TMEM132B: variants seen among roughly 807,000 people sequenced by gnomAD.
The protein encoded by TMEM132B is transmembrane protein 132B.
TMEM132B carries 18 observed loss-of-function variants against 90.8 expected under a neutral mutation model. That is an observed-to-expected ratio of 0.20 (90% CI 0.14 to 0.29). TMEM132B has a LOEUF of 0.29. Among genes scored for constraint, TMEM132B ranks in the 10% least tolerant of loss-of-function variants. The pLI is 1.00. For synonymous variants in TMEM132B, 504 were observed against 523.3 expected, an observed-to-expected ratio of 0.96 and a Z score of 0.50; for missense variants, 1,096 against 1,326.8, an observed-to-expected ratio of 0.83 and a Z score of 2.70.
At chr12:125,318,428 G>A (rs1419130518) in intron 1 of TMEM132B, among the ~76,000 whole-genome samples, 1 of 151,964 alleles carries the variant, frequency 6.6e-6, no homozygotes, top group African/African-American at 2.4e-5. Flanking sequence ...AGGTAAATGT[G>A]TGCGATGGTG....
rs747597773 is a variant in TMEM132B at position 125,349,654 on chromosome 12, T to C, written c.270T>C (p.Asn90=). Residue 90 remains asparagine, a synonymous_variant, in exon 2 of 9, where the codon AAT becomes AAC. Transcript: ENST00000682704. This position sits in a 1 kb window ranked among gnomAD's most constrained non-coding sequence, Gnocchi z 4.1. The part of the protein sequence containing the change: ...IYRARTPPII[N]ASYGPFSVEK... Reference sequence around the variant, plus strand: ...GAGCCAGGACACCCCCTATTATCAATGCCAGCTATGGCCCATTTTCAGTGG... The same window carrying C: ...GAGCCAGGACACCCCCTATTATCAACGCCAGCTATGGCCCATTTTCAGTGG... 3 of 1,614,162 alleles carry C rather than the reference T, an allele frequency of 1.9e-6. No individual in the cohort carries two copies. The highest frequency in any genetic ancestry group is 2.5e-6 in the Non-Finnish European group (3 of 1,180,028).
intron 3 of TMEM132B, among the ~76,000 whole-genome samples, chr12:125,417,206 G>A (rs550816346): frequency 2.0e-5 from 3 of 151,968 alleles, no homozygotes; most frequent in African/African-American, 7.2e-5. Context: ...GATATCCAAA[G>A]ACTGGAAGGG....
chr12:125,569,548 T>A (rs1175970488), intron 4 of TMEM132B, among the ~76,000 whole-genome samples: 7 of 152,110 alleles, frequency 4.6e-5, no homozygotes. Context: ...CCACTTACCT[T>A]CCCTATGGGA....
At chr12:125,422,361 A>G (rs397716) in intron 3 of TMEM132B, among the ~76,000 whole-genome samples, 16,595 of 152,210 alleles carry the variant, frequency 0.11, 1,680 homozygotes, top group African/African-American at 0.27. Flanking sequence ...GGCATGGCAA[A>G]GCGCCTGTGC....
In TMEM132B at chr12:125,484,792, A is replaced by G. The variant is rs969489923; in HGVS notation, c.1107-34647A>G. 7.2e-5 allele frequency among the ~76,000 whole-genome samples: 11 copies of G among 152,154 alleles called. 1 individual carries two copies. In the East Asian group the frequency reaches 2.1e-3, roughly 29 times the overall value. On this transcript the variant is annotated intron_variant, in intron 3 of 8. Coordinates refer to ENST00000682704, the MANE Select transcript of TMEM132B (RefSeq NM_001366854.1). ...TTTTTAAAACAATTTTTTAGTAGAG[A>G]TAGGGTCTCACCACGTTGCCCAGGC...
At chr12:125,306,738 A>G (rs927726546) in intron 1 of TMEM132B, among the ~76,000 whole-genome samples, 3 of 152,194 alleles carry the variant, frequency 2.0e-5, no homozygotes, top group East Asian at 1.9e-4. Context: ...TTCTTCCCAC[A>G]ACAACCAAAG....
At chr12:125,515,486 CTCACACACAT>C (rs796538965) in intron 3 of TMEM132B, among the ~76,000 whole-genome samples, 7,000 of 125,710 alleles carry the variant, frequency 0.056, 225 homozygotes, top group South Asian at 0.2. Flanking sequence ...CATTGTCACA[CTCACACACAT>C]ACATTGACAC....
intron 1 of TMEM132B, among the ~76,000 whole-genome samples, chr12:125,257,044 G>A (rs574811714): frequency 6.6e-6 from 1 of 152,304 alleles, no homozygotes; most frequent in Admixed American, 6.5e-5. Context: ...CCAGCACGGT[G>A]GCTTATGCCT....
At chr12:125,281,112 G>C (rs926408621) in intron 1 of TMEM132B, among the ~76,000 whole-genome samples, 3 of 152,178 alleles carry the variant, frequency 2.0e-5, no homozygotes, top group Non-Finnish European at 4.4e-5. Context: ...GACCCCCAGC[G>C]GTTCCTGGAT....
chr12:125,633,892 C>G (rs754962016), intron 5 of TMEM132B, among the ~76,000 whole-genome samples: 1 of 152,190 alleles, frequency 6.6e-6, no homozygotes, highest in Non-Finnish European at 1.5e-5. Flanking sequence ...CAGCACAGCA[C>G]TGGGTCTCAT....
At chr12:125,514,343 C>T (rs546180428) in intron 3 of TMEM132B, among the ~76,000 whole-genome samples, 154 of 152,194 alleles carry the variant, frequency 1.0e-3, no homozygotes, top group Non-Finnish European at 1.7e-3. Flanking sequence ...AGTACAGGCA[C>T]GTCTGTGTCC....
At chr12:125,311,377 A>G (rs1459544743) in intron 1 of TMEM132B, among the ~76,000 whole-genome samples, 1 of 152,232 alleles carries the variant, frequency 6.6e-6, no homozygotes, top group African/African-American at 2.4e-5. Context: ...CATGAAAGTC[A>G]TACTTTCCCA....
At chr12:125,535,136 G>C (rs1883763571) in intron 4 of TMEM132B, among the ~76,000 whole-genome samples, 1 of 152,278 alleles carries the variant, frequency 6.6e-6, no homozygotes, top group African/African-American at 2.4e-5. Context: ...TTTGCTCGTA[G>C]AATCCAATGC....
chr12:125,441,135 G>T (rs1300006420), intron 3 of TMEM132B, among the ~76,000 whole-genome samples: 1 of 152,146 alleles, frequency 6.6e-6, no homozygotes, highest in Admixed American at 6.5e-5. Context: ...ACATGATAGG[G>T]TTGTTGTGGG....
At chr12:125,610,636 T>C (rs542156603) in intron 5 of TMEM132B, among the ~76,000 whole-genome samples, 65 of 152,166 alleles carry the variant, frequency 4.3e-4, no homozygotes, top group African/African-American at 1.5e-3. Flanking sequence ...TCTCTCTCTC[T>C]CTCTGTATGT....
At chr12:125,638,955 G>A (rs114364023) in intron 5 of TMEM132B, among the ~76,000 whole-genome samples, 2,114 of 152,240 alleles carry the variant, frequency 0.014, 39 homozygotes, top group African/African-American at 0.045. Context: ...CCTCACACAT[G>A]CTCACAGATT....
At chr12:125,606,770 C>T (rs1566087653) in intron 5 of TMEM132B, among the ~76,000 whole-genome samples, 1 of 152,234 alleles carries the variant, frequency 6.6e-6, no homozygotes, top group Non-Finnish European at 1.5e-5. Context: ...GACCTGGGAC[C>T]ACTGAGCCCA....
chr12:125,412,950 G>A (rs1011186858), intron 2 of TMEM132B, among the ~76,000 whole-genome samples: 1 of 152,106 alleles, frequency 6.6e-6, no homozygotes, highest in Non-Finnish European at 1.5e-5. Context: ...GCAAGGCATG[G>A]CATCTGAGTC....
chr12:125,632,187 G>A (rs1288141238), intron 5 of TMEM132B, among the ~76,000 whole-genome samples: 1 of 151,798 alleles, frequency 6.6e-6, no homozygotes, highest in Non-Finnish European at 1.5e-5. Flanking sequence ...TGCGGCTTGT[G>A]AATACTATCT....
Sources: gnomAD v4.1 joint callset for allele counts (sites outside exome capture counted in the v4.1 genomes callset) on GRCh38, gnomAD v4.1.1 for gene constraint, Gnocchi (gnomAD v3.1) non-coding constraint, MANE v1.5 for transcripts, NCBI Gene and HGNC (gene_info 2026-07-23, HGNC 2026-07-21) for gene names.